The following KYAT3 variants were observed in gnomAD, a reference collection of about 807,000 sequenced individuals.
The protein encoded by KYAT3 is kynurenine--oxoglutarate transaminase 3.
KYAT3 carries 50 observed loss-of-function variants against 59.0 expected under a neutral mutation model. The observed-to-expected ratio is 0.85, with a 90% CI of 0.68 to 1.07. KYAT3 has a LOEUF of 1.07. Ranked by LOEUF, KYAT3 falls within the 50% of genes least tolerant of loss-of-function variation. The pLI is 0.00. For missense variants in KYAT3, 497 were observed against 533.3 expected, an observed-to-expected ratio of 0.93 and a Z score of 0.67; for synonymous variants, 148 against 177.0, an observed-to-expected ratio of 0.84 and a Z score of 1.30.
At chr1:88,954,002 G>C (rs1287458139) in intron 9 of KYAT3, among the ~76,000 whole-genome samples, 2 of 151,654 alleles carry the variant, frequency 1.3e-5, no homozygotes, top group Admixed American at 6.6e-5. Context: ...CCCAGGTACA[G>C]GTGATTCTCC....
chr1:88,933,645 T>G (rs758729093), downstream of KYAT3, among the ~76,000 whole-genome samples: 2 of 152,180 alleles, frequency 1.3e-5, no homozygotes, highest in Non-Finnish European at 2.9e-5. Context: ...TCCAAGAGCA[T>G]AGACTGAGCC....
chr1:88,928,495 G>A, the KYAT3 span, among the ~76,000 whole-genome samples: 4 of 152,120 alleles, frequency 2.6e-5, no homozygotes, highest in African/African-American at 4.8e-5. Flanking sequence ...CTTCCAGTGC[G>A]GTCTACAAGG....
intron 10 of KYAT3, among the ~76,000 whole-genome samples, chr1:88,950,890 C>T (rs935323505): frequency 1.3e-5 from 2 of 152,198 alleles, no homozygotes; most frequent in African/African-American, 2.4e-5. Flanking sequence ...CATGCATGCC[C>T]CAGCTCCATT....
intron 2 of KYAT3, among the ~76,000 whole-genome samples, chr1:88,971,026 T>C (rs1053284310): frequency 6.6e-6 from 1 of 152,186 alleles, no homozygotes; most frequent in Admixed American, 6.5e-5. Flanking sequence ...CACCTGAACA[T>C]GATGCCATTC....
At chr1:88,990,252 G>C (rs1307233196) in intron 1 of KYAT3, among the ~76,000 whole-genome samples, 1 of 110,938 alleles carries the variant, frequency 9.0e-6, no homozygotes, top group African/African-American at 6.0e-5. Context: ...ATTCAACTTT[G>C]TTTGTCTCTC....
intron 2 of KYAT3, chr1:88,981,358 T>C (rs978357002): frequency 1.3e-5 from 2 of 152,290 alleles, no homozygotes; most frequent in African/African-American, 4.8e-5. Flanking sequence ...TGAAGAGTTG[T>C]CCCCATGACT....
intron 5 of KYAT3, 157 bp downstream of exon 5, chr1:88,964,672 G>T: frequency 1.5e-6 from 1 of 649,826 alleles, no homozygotes; most frequent in Non-Finnish European, 2.7e-6. Flanking sequence ...TTATCCAGCT[G>T]TACATTTAAG....
intron 2 of KYAT3, among the ~76,000 whole-genome samples, chr1:88,979,262 C>T (rs1232270897): frequency 6.6e-6 from 1 of 152,082 alleles, no homozygotes; most frequent in Non-Finnish European, 1.5e-5. Flanking sequence ...TTACTTGAGA[C>T]TAAACAGAGT....
Position 88,983,126 on chromosome 1 carries a change from T to C in KYAT3, c.99+5126A>G, listed in dbSNP as rs139713926. The C allele has an allele frequency of 6.1e-3, 9,792 of 1,612,384 alleles. 33 individuals carry two copies. Among genetic ancestry groups the C allele is most frequent in the Non-Finnish European group, 7.6e-3 (8,936 of 1,180,008 alleles). The stretch of plus-strand genomic sequence containing the variant: ...AGTATAATCTCGTGGTGGTGGTGCA[T>C]AATCTCTTGTATCACGAGAACTTGG... On this transcript the variant is annotated intron_variant, in intron 2 of 13. Transcript: ENST00000260508.
chr1:88,966,938 A>G (rs1319114544), intron 4 of KYAT3, among the ~76,000 whole-genome samples: 2 of 152,106 alleles, frequency 1.3e-5, no homozygotes, highest in Admixed American at 1.3e-4. Context: ...TATATACTAC[A>G]TAAGATGATC....
chr1:88,939,391 C>G (rs1675156083), intron 13 of KYAT3, among the ~76,000 whole-genome samples: 1 of 152,160 alleles, frequency 6.6e-6, no homozygotes, highest in Non-Finnish European at 1.5e-5. Context: ...AAACTTCCAG[C>G]TACTTCCACA....
chr1:88,957,943 G>A (rs957036201), intron 8 of KYAT3, among the ~76,000 whole-genome samples: 1 of 152,100 alleles, frequency 6.6e-6, no homozygotes, highest in African/African-American at 2.4e-5. Flanking sequence ...TAACATTTTG[G>A]TGTATTAAGG....
At chr1:88,938,157 G>A (rs1221079449) in intron 13 of KYAT3, among the ~76,000 whole-genome samples, 1 of 152,078 alleles carries the variant, frequency 6.6e-6, no homozygotes, top group Non-Finnish European at 1.5e-5. Flanking sequence ...TAATTAAGTT[G>A]ACAACTTACT....
rs760909604 is a variant in KYAT3, at chr1:88,955,187, C to G, written c.826G>C (p.Gly276Arg). ...ACACTGAAAGTCTTTCCAGCACTTC[C>G]TATTGTTATTGTTCTCTCCCACATA... The part of the protein sequence containing the change: ...PGMWERTITI[G>R]SAGKTFSVTG... The change falls in exon 9 of 14, where the codon GGA becomes CGA. Residue 276 changes from glycine (G) to arginine (R), a missense_variant. Gly to Arg is a moderately radical substitution (Grantham distance 125, BLOSUM62 -2). Coordinates refer to ENST00000260508, the MANE Select transcript of KYAT3 (RefSeq NM_001008661.3). The G allele has an allele frequency of 1.9e-6, 3 of 1,612,554 alleles. No homozygotes were observed. The highest frequency in any genetic ancestry group is 2.5e-6 in the Non-Finnish European group (3 of 1,178,800).
At chr1:88,983,498 C>T in intron 2 of KYAT3, 1 of 1,614,140 alleles carries the variant, frequency 6.2e-7, no homozygotes, top group Non-Finnish European at 8.5e-7. Flanking sequence ...TCTTCCAGCT[C>T]CAAAACCTCT....
At chr1:88,969,843 A>T (rs1205703557) in intron 2 of KYAT3, among the ~76,000 whole-genome samples, 1 of 152,052 alleles carries the variant, frequency 6.6e-6, no homozygotes, top group Non-Finnish European at 1.5e-5. Context: ...TATTTTATAG[A>T]GACAGGGTCT....
chr1:88,934,561 C>T (rs188075443), downstream of KYAT3, among the ~76,000 whole-genome samples: 321 of 152,280 alleles, frequency 2.1e-3, no homozygotes, highest in Non-Finnish European at 1.4e-3. Context: ...TTCATGGTTG[C>T]TAGAACCTGC....
At chr1:88,941,604 AAGTT>A (rs776742335) in intron 13 of KYAT3, among the ~76,000 whole-genome samples, 1 of 152,034 alleles carries the variant, frequency 6.6e-6, no homozygotes, top group Non-Finnish European at 1.5e-5. Context: ...TTCTGATAAG[AAGTT>A]AGTTAACATT....
intron 2 of KYAT3, among the ~76,000 whole-genome samples, chr1:88,969,675 G>A (rs1002960067): frequency 2.0e-5 from 3 of 150,278 alleles, no homozygotes; most frequent in Admixed American, 6.6e-5. Context: ...TTTCTCAGAC[G>A]TGGTTGCCCA....
Sources: allele counts gnomAD v4.1 joint callset (sites outside exome capture counted in the v4.1 genomes callset), GRCh38; gene constraint gnomAD v4.1.1; transcripts MANE v1.5; gene names NCBI Gene and HGNC (gene_info 2026-07-23, HGNC 2026-07-21).